The following DCC variants were observed in gnomAD, a reference collection of about 807,000 sequenced individuals.
The protein encoded by DCC is netrin receptor DCC.
DCC carries 58 observed loss-of-function variants against 172.5 expected under a neutral mutation model. That is an observed-to-expected ratio of 0.34 (90% CI 0.27 to 0.42). The LOEUF is 0.42. Ranked by LOEUF, DCC falls within the 10% of genes least tolerant of loss-of-function variation. DCC has a pLI of 1.00. For missense variants in DCC, 1,740 were observed against 1,791.0 expected (o/e 0.97, Z 0.51); for synonymous variants, 709 against 644.5 (o/e 1.10, Z -1.52).
intron 7 of DCC, among the ~76,000 whole-genome samples, chr18:53,101,647 A>G (rs2043173278): frequency 1.3e-5 from 2 of 152,086 alleles, no homozygotes; most frequent in Non-Finnish European, 2.9e-5. Context: ...CTTTTCACTG[A>G]CATGTTTGTT....
intron 12 of DCC, among the ~76,000 whole-genome samples, chr18:53,300,027 C>T (rs1162795778): frequency 6.6e-6 from 1 of 152,122 alleles, no homozygotes; most frequent in African/African-American, 2.4e-5. Flanking sequence ...TAATTTATCA[C>T]ACTTAAAGAA....
At chr18:52,969,623 T>TCTCTC (rs2040995069) in intron 5 of DCC, among the ~76,000 whole-genome samples, 2 of 96,272 alleles carry the variant, frequency 2.1e-5, no homozygotes, top group Non-Finnish European at 2.1e-5. Context: ...CTCTCTCTCT[T>TCTCTC]TCTGTGACTC....
rs75730498 is a variant in DCC at position 53,045,655 on chromosome 18, T to C, written c.986-17650T>C. On this transcript the variant is annotated intron_variant, in intron 5 of 28. Coordinates refer to ENST00000442544, the MANE Select transcript of DCC (RefSeq NM_005215.4). ...AATCTTAATAGTCAATGAAAATCCC[T>C]AGACTTCTTTTGATTTGCCCTGCTG... Among the ~76,000 whole-genome samples the C allele has an allele frequency of 5.2e-3, 786 of 152,016 alleles. 6 individuals are homozygous for C. The highest frequency in any genetic ancestry group is 0.022 in the Admixed American group (341 of 15,210).
chr18:52,769,634 T>A (rs893344173), intron 2 of DCC, among the ~76,000 whole-genome samples: 1 of 152,216 alleles, frequency 6.6e-6, no homozygotes, highest in African/African-American at 2.4e-5. Flanking sequence ...TATTGTTGTA[T>A]CTCAAAAGTT....
chr18:52,469,027 TTTGA>T (rs550355617), intron 1 of DCC, among the ~76,000 whole-genome samples: 2,925 of 127,084 alleles, frequency 0.023, 66 homozygotes, highest in South Asian at 0.11. Context: ...GGAAAACAAT[TTTGA>T]TTTATTTATT....
chr18:52,948,636 CT>C lies in DCC; in HGVS notation c.985+23267del, dbSNP rs1437851447. ...AGGATTCATGTTCACCTTCTTTCTT[CT>C]CCTCCAAAACTGAATCCCTATGGGG... On this transcript the variant is annotated intron_variant, in intron 5 of 28. Transcript: ENST00000442544. 2.1e-3 allele frequency among the ~76,000 whole-genome samples: 319 copies of C among 152,272 alleles called. 2 individuals are homozygous for C. The highest frequency in any genetic ancestry group is 7.0e-3 in the African/African-American group (292 of 41,550).
At chr18:53,395,033 C>A (rs1908834293) in intron 17 of DCC, among the ~76,000 whole-genome samples, 1 of 151,812 alleles carries the variant, frequency 6.6e-6, no homozygotes, top group Admixed American at 6.6e-5. Flanking sequence ...GCCTGTAATC[C>A]CAGCTACTTG....
At chr18:53,236,977 T>C (rs1478490714) in intron 12 of DCC, 2 of 152,064 alleles carry the variant, frequency 1.3e-5, no homozygotes, top group Non-Finnish European at 2.9e-5. Flanking sequence ...GCTATATCTT[T>C]ATAGCTCATC....
intron 1 of DCC, among the ~76,000 whole-genome samples, chr18:52,686,922 T>C (rs1196821971): frequency 6.6e-6 from 1 of 152,048 alleles, no homozygotes; most frequent in East Asian, 1.9e-4. Flanking sequence ...TCTGACTTGA[T>C]GTCATTCTTG....
intron 1 of DCC, among the ~76,000 whole-genome samples, chr18:52,732,648 G>T (rs958780172): frequency 6.6e-6 from 1 of 152,082 alleles, no homozygotes; most frequent in African/African-American, 2.4e-5. Flanking sequence ...GCAGACCTCT[G>T]ATATAGAGAA....
intron 5 of DCC, among the ~76,000 whole-genome samples, chr18:52,927,198 G>A (rs1450227581): frequency 2.2e-5 from 1 of 45,564 alleles, no homozygotes; most frequent in Admixed American, 2.8e-4. Context: ...CGTATATATA[G>A]GTGTATATGT....
At chr18:52,611,017 G>A (rs189130970) in intron 1 of DCC, among the ~76,000 whole-genome samples, 14 of 152,296 alleles carry the variant, frequency 9.2e-5, no homozygotes, top group Admixed American at 8.5e-4. Flanking sequence ...ATTTAGGAAT[G>A]TTTGTTGCCA....
intron 2 of DCC, among the ~76,000 whole-genome samples, chr18:52,883,348 T>TG (rs2039518470): frequency 8.5e-5 from 9 of 106,300 alleles, no homozygotes; most frequent in East Asian, 2.8e-4. Flanking sequence ...ATTTATTTAT[T>TG]TATGTGTGTG....
intron 5 of DCC, among the ~76,000 whole-genome samples, chr18:52,960,744 A>G (rs1355560331): frequency 6.6e-6 from 1 of 152,082 alleles, no homozygotes; most frequent in Admixed American, 6.6e-5. Flanking sequence ...AATCCCTCCA[A>G]CACGGTTACT....
At chr18:53,381,894 T>A (rs370616849) in intron 15 of DCC, among the ~76,000 whole-genome samples, 103 of 152,068 alleles carry the variant, frequency 6.8e-4, no homozygotes, top group African/African-American at 2.5e-3. Flanking sequence ...GATTTCCAGA[T>A]AATCTGACAA....
chr18:52,781,510 T>C (rs1425687462), intron 2 of DCC, among the ~76,000 whole-genome samples: 2 of 152,148 alleles, frequency 1.3e-5, no homozygotes, highest in Admixed American at 1.3e-4. Context: ...AAAGGGAGTT[T>C]CTCACTTAGA....
chr18:53,079,190 TG>T (rs1012020033), intron 7 of DCC, among the ~76,000 whole-genome samples: 2 of 152,102 alleles, frequency 1.3e-5, no homozygotes, highest in Non-Finnish European at 2.9e-5. Context: ...ATTTCATAAA[TG>T]GAAAAAAGAA....
At chr18:53,527,049 G>A (rs1271621156) in intron 28 of DCC, 5 of 402,226 alleles carry the variant, frequency 1.2e-5, no homozygotes, top group African/African-American at 2.1e-5. Flanking sequence ...ACCCATATAT[G>A]TACATAATAT....
At chr18:53,513,654 G>C (rs980290618) in intron 27 of DCC, among the ~76,000 whole-genome samples, 1 of 151,702 alleles carries the variant, frequency 6.6e-6, no homozygotes, top group Non-Finnish European at 1.5e-5. Context: ...AAAAGGCAGG[G>C]GTTGCAATCC....
Sources: allele counts gnomAD v4.1 joint callset (sites outside exome capture counted in the v4.1 genomes callset), GRCh38; gene constraint gnomAD v4.1.1; transcripts MANE v1.5; gene names NCBI Gene and HGNC (gene_info 2026-07-23, HGNC 2026-07-21).